Variants in KIRREL3 observed in about 807,000 individuals in gnomAD.
KIRREL3 encodes kin of IRRE-like protein 3.
Under a neutral mutation model 89.7 loss-of-function variants are expected in KIRREL3, and 36 were observed. The observed-to-expected ratio is 0.40, with a 90% confidence interval of 0.31 to 0.53. KIRREL3 has a LOEUF of 0.53. KIRREL3 is among the 20% of genes least tolerant of loss of function. The probability of loss-of-function intolerance (pLI) is 0.49; values close to 1 mark genes in which losing one functional copy is unlikely to be tolerated. For synonymous variants in KIRREL3, 445 were observed against 441.4 expected (o/e 1.01, Z -0.10); for missense variants, 864 against 1,056.6 (o/e 0.82, Z 2.53).
intron 2 of KIRREL3, among the ~76,000 whole-genome samples, chr11:126,545,733 T>C (rs1183327066): frequency 6.6e-6 from 1 of 152,076 alleles, no homozygotes; most frequent in Non-Finnish European, 1.5e-5. Context: ...AAGGAGGATA[T>C]CATGAGGGCC....
intron 2 of KIRREL3, among the ~76,000 whole-genome samples, chr11:126,540,002 G>A (rs1938227746): frequency 6.6e-6 from 1 of 152,174 alleles, no homozygotes; most frequent in Non-Finnish European, 1.5e-5. Flanking sequence ...GTTGAGGTTT[G>A]CACAGGTTTT....
At chr11:126,855,354 C>T (rs920389998) in intron 1 of KIRREL3, among the ~76,000 whole-genome samples, 2 of 152,206 alleles carry the variant, frequency 1.3e-5, no homozygotes, top group Admixed American at 6.5e-5. Context: ...CTCTCTTCCT[C>T]CTTCTCCAGC....
At position 126,994,542 on chromosome 11, in the gene KIRREL3, A is replaced by C. The variant is rs1202806606; in HGVS notation, c.55+5913T>G. ...TTATGGAAGACATTTGTTTCCAAGC[A>C]GCTTATGCTAAATTGCAGTGATATA... On this transcript the variant is annotated intron_variant, in intron 1 of 16. Transcript: ENST00000525144. The surrounding 1 kb of genome is among the most constrained non-coding windows in gnomAD (Gnocchi z 5.2). Among the ~76,000 whole-genome samples the C allele has an allele frequency of 6.6e-6, 1 of 152,250 alleles. No homozygotes were observed. Among genetic ancestry groups the C allele is most frequent in the African/African-American group, 2.4e-5 (1 of 41,460 alleles).
rs1009623381 is a variant in KIRREL3, at chr11:126,748,476, G to A, written c.56-185564C>T. On this transcript the variant is annotated intron_variant, in intron 1 of 16. Coordinates refer to ENST00000525144, the MANE Select transcript of KIRREL3 (RefSeq NM_032531.4). The surrounding 1 kb of genome is among the most constrained non-coding windows in gnomAD (Gnocchi z 4.6). ...TTGCCTACGGCGAGAATTATTCCCAGCAGGCGTTTCAGGCCATCTCTAAAC... is the reference window on the plus strand; with the variant it reads ...TTGCCTACGGCGAGAATTATTCCCAACAGGCGTTTCAGGCCATCTCTAAAC... Among the ~76,000 whole-genome samples, 4 of 152,230 alleles carry A rather than the reference G, an allele frequency of 2.6e-5. No homozygotes were observed. Among genetic ancestry groups the A allele is most frequent in the African/African-American group, 7.2e-5 (3 of 41,460 alleles).
At chr11:126,426,227 T>A (rs1467832130) in intron 15 of KIRREL3, among the ~76,000 whole-genome samples, 1 of 152,254 alleles carries the variant, frequency 6.6e-6, no homozygotes. Flanking sequence ...CGTGCAGGCC[T>A]AGTGCAGGCC....
Position 126,948,929 on chromosome 11 carries a change from GAGA to G in KIRREL3, c.55+51523_55+51525del, listed in dbSNP as rs1177287449. On this transcript the variant is annotated intron_variant, in intron 1 of 16. Transcript: ENST00000525144. The surrounding 1 kb of genome is among the most constrained non-coding windows in gnomAD (Gnocchi z 4.5). Reference sequence around the variant, plus strand: ...TATACCATATAACATGCTGGGCTAGGAGAAGAATGCCTGAAAGAAAACATGCAC... The same window carrying G: ...TATACCATATAACATGCTGGGCTAGGAGAATGCCTGAAAGAAAACATGCAC... Among the ~76,000 whole-genome samples, 1 of 152,166 alleles carries G rather than the reference GAGA, an allele frequency of 6.6e-6. No individual in the cohort carries two copies. The highest frequency in any genetic ancestry group is 2.4e-5 in the African/African-American group (1 of 41,430).
intron 15 of KIRREL3, 138 bp from the exon 16 acceptor site, chr11:126,425,862 G>A (rs1954924736): frequency 1.6e-6 from 1 of 641,684 alleles, no homozygotes; most frequent in African/African-American, 1.8e-5. Context: ...CCATGTGAAA[G>A]AGTCAAGATG....
At position 126,904,457 on chromosome 11, in the gene KIRREL3, A is replaced by C. The variant is rs1355609498; in HGVS notation, c.55+95998T>G. Among the ~76,000 whole-genome samples the C allele has an allele frequency of 6.6e-6, 1 of 152,246 alleles. No homozygotes were observed. Among genetic ancestry groups the C allele is most frequent in the African/African-American group, 2.4e-5 (1 of 41,474 alleles). On this transcript the variant is annotated intron_variant, in intron 1 of 16. Transcript: ENST00000525144. This position sits in a 1 kb window ranked among gnomAD's most constrained non-coding sequence, Gnocchi z 4.4. ...TGATAAAAGGAACCTGCTCCAAAGC[A>C]ATGTTAACATAGCAGATATTTGGTC...
intron 1 of KIRREL3, among the ~76,000 whole-genome samples, chr11:126,868,286 T>A (rs1944989727): frequency 8.9e-3 from 1 of 112 alleles, no homozygotes; most frequent in Admixed American, 0.12. Flanking sequence ...AGGGCAGCCC[T>A]TGACTGAGGG....
At position 126,997,995 on chromosome 11, in the gene KIRREL3, C is replaced by T. The variant is rs994201875; in HGVS notation, c.55+2460G>A. 2.7e-5 allele frequency among the ~76,000 whole-genome samples: 4 copies of T among 150,870 alleles called. No individual in the cohort carries two copies. Among genetic ancestry groups the T allele is most frequent in the East Asian group, 2.0e-4 (1 of 5,052 alleles). The stretch of plus-strand genomic sequence containing the variant: ...CAAGCAGGTGGCTGTGTGAGGGTGC[C>T]GGGTGGGGGGGTGTAACCTCAGGCC... On this transcript the variant is annotated intron_variant, in intron 1 of 16. Transcript: ENST00000525144. The surrounding 1 kb of genome is among the most constrained non-coding windows in gnomAD (Gnocchi z 4.3).
chr11:126,435,080 C>T (rs1565446666), intron 13 of KIRREL3, among the ~76,000 whole-genome samples, 188 bp downstream of exon 13: 1 of 151,974 alleles, frequency 6.6e-6, no homozygotes, highest in African/African-American at 2.4e-5. Context: ...CTCTGGGGTC[C>T]CTAGGCCCAA....
rs1555196732 is a variant in KIRREL3 at position 126,795,805 on chromosome 11, TTC to T, written c.55+204648_55+204649del. On this transcript the variant is annotated intron_variant, in intron 1 of 16. Coordinates refer to ENST00000525144, the MANE Select transcript of KIRREL3 (RefSeq NM_032531.4). The surrounding 1 kb of genome is among the most constrained non-coding windows in gnomAD (Gnocchi z 4.1). The stretch of plus-strand genomic sequence containing the variant: ...GAGCCACTTCAACCACCAGTTCTTC[TTC>T]CCCCTGTGCACCCCAAGAGCGTACA... Among the ~76,000 whole-genome samples the T allele has an allele frequency of 6.6e-5, 10 of 151,916 alleles. No individual in the cohort carries two copies. The highest frequency in any genetic ancestry group is 2.1e-4 in the South Asian group (1 of 4,772).
chr11:126,821,936 A>C (rs939517), intron 1 of KIRREL3, among the ~76,000 whole-genome samples: 131,384 of 152,164 alleles, frequency 0.86, 57,072 homozygotes, highest in East Asian at 1. Context: ...CTGCAGACAC[A>C]TTGATTTAAT....
At position 126,462,292 on chromosome 11, in the gene KIRREL3, G is replaced by GGCAA. The variant is rs1956572479; in HGVS notation, c.742+861_742+864dup. Among the ~76,000 whole-genome samples the GGCAA allele has an allele frequency of 6.6e-6, 1 of 152,084 alleles. No individual in the cohort carries two copies. The highest frequency in any genetic ancestry group is 2.4e-5 in the African/African-American group (1 of 41,402). The stretch of plus-strand genomic sequence containing the variant: ...AATCTATGCTACCTAAGTGGTCTTG[G>GGCAA]GCAAGTTAATCACCCTTTCGGTGCC... On this transcript the variant is annotated intron_variant, in intron 6 of 16. Coordinates refer to ENST00000525144, the MANE Select transcript of KIRREL3 (RefSeq NM_032531.4). The surrounding 1 kb of genome is among the most constrained non-coding windows in gnomAD (Gnocchi z 4.8).
chr11:126,915,150 T>C (rs944523052), intron 1 of KIRREL3, among the ~76,000 whole-genome samples: 4 of 152,208 alleles, frequency 2.6e-5, no homozygotes, highest in Non-Finnish European at 5.9e-5. Context: ...GCAGATTTCA[T>C]TGCTGGAATC....
rs764987861 is a variant in KIRREL3, at chr11:126,645,206, C to G, written c.56-82294G>C. The stretch of plus-strand genomic sequence containing the variant: ...AAAGTGAAGGGATGCAGACTGACAT[C>G]GTAACAATTCAAATGCTAATGAAAT... On this transcript the variant is annotated intron_variant, in intron 1 of 16. Transcript: ENST00000525144. The surrounding 1 kb of genome is among the most constrained non-coding windows in gnomAD (Gnocchi z 4.9). Among the ~76,000 whole-genome samples the G allele has an allele frequency of 6.6e-6, 1 of 152,204 alleles. No individual in the cohort carries two copies. Among genetic ancestry groups the G allele is most frequent in the Non-Finnish European group, 1.5e-5 (1 of 68,038 alleles).
chr11:126,975,080 G>A (rs1949531048), intron 1 of KIRREL3, among the ~76,000 whole-genome samples: 1 of 152,048 alleles, frequency 6.6e-6, no homozygotes, highest in Non-Finnish European at 1.5e-5. Context: ...GAAGTGCTGG[G>A]ATTACAGGTG....
chr11:126,719,165 G>A lies in KIRREL3; in HGVS notation c.56-156253C>T, dbSNP rs1029134068. ...CGCATTTCCCTTCATTCCGACACTC[G>A]GTAACCCACTTATTCTGGTTTTGTC... is the stretch of plus-strand genomic sequence containing the variant. On this transcript the variant is annotated intron_variant, in intron 1 of 16. Transcript: ENST00000525144. The surrounding 1 kb of genome is among the most constrained non-coding windows in gnomAD (Gnocchi z 4.7). 6.6e-6 allele frequency among the ~76,000 whole-genome samples: 1 copy of A among 152,016 alleles called. No homozygotes were observed. The highest frequency in any genetic ancestry group is 2.4e-5 in the African/African-American group (1 of 41,368).
rs893543980 is a variant in KIRREL3, at chr11:126,917,890, G to C, written c.55+82565C>G. 6.6e-6 allele frequency among the ~76,000 whole-genome samples: 1 copy of C among 152,156 alleles called. No individual in the cohort carries two copies. Among genetic ancestry groups the C allele is most frequent in the African/African-American group, 2.4e-5 (1 of 41,432 alleles). ...GTTCCCTCCTCCACCCCAGTTGCAC[G>C]CTTTGGTAATTGTTGAACTCGATTT... On this transcript the variant is annotated intron_variant, in intron 1 of 16. Transcript: ENST00000525144. The surrounding 1 kb of genome is among the most constrained non-coding windows in gnomAD (Gnocchi z 5.0).
Sources: gnomAD v4.1 joint callset for allele counts (sites outside exome capture counted in the v4.1 genomes callset) on GRCh38, gnomAD v4.1.1 for gene constraint, Gnocchi (gnomAD v3.1) non-coding constraint, MANE v1.5 for transcripts, NCBI Gene and HGNC (gene_info 2026-07-23, HGNC 2026-07-21) for gene names.